NAXE: variants seen among roughly 807,000 people sequenced by gnomAD.
NAXE encodes NAD(P)HX epimerase.
In NAXE, 25 loss-of-function variants were observed where a neutral mutation model predicts 31.2. The ratio of observed to expected loss-of-function variants is 0.80; its 90% CI spans 0.58 to 1.12. The LOEUF is 1.12. Among genes scored for constraint, NAXE ranks in the 50% most tolerant of loss-of-function variants. The pLI is 0.00. For missense variants in NAXE, 362 were observed against 376.1 expected (o/e 0.96, Z 0.31); for synonymous variants, 144 against 154.5 (o/e 0.93, Z 0.50).
Position 156,592,406 on chromosome 1 carries a change from C to A in NAXE, c.333C>A (p.Val111=). 1 of 1,614,190 alleles carries A rather than the reference C, an allele frequency of 6.2e-7. No homozygotes were observed. Among genetic ancestry groups the A allele is most frequent in the African/African-American group, 1.3e-5 (1 of 75,042 alleles). Residue 111 remains valine (V), a synonymous_variant, in exon 3 of 6, where the codon GTC becomes GTA. Transcript: ENST00000368235. ...PTSMSRSPPT[V]LVICGPGNNG... is the part of the protein sequence containing the mutation. Reference sequence around the variant, plus strand: ...CCATGTCCAGGAGCCCCCCTACTGTCCTGGTCATCTGTGGCCCGGGGAATA... The same window carrying A: ...CCATGTCCAGGAGCCCCCCTACTGTACTGGTCATCTGTGGCCCGGGGAATA...
intron 5 of NAXE, 77 bp downstream of exon 5, chr1:156,593,632 T>C: frequency 6.3e-7 from 1 of 1,586,190 alleles, no homozygotes; most frequent in Non-Finnish European, 8.6e-7. Context: ...AGGTCTAAAA[T>C]AATTTTAGTC....
At position 156,592,297 on chromosome 1, in the gene NAXE, G is replaced by A. The variant is rs1677348734; in HGVS notation, c.292-68G>A. The A allele has an allele frequency of 4.4e-6, 7 of 1,603,678 alleles. No individual in the cohort carries two copies. In the Admixed American group the frequency reaches 1.0e-4, roughly 23 times the overall value. On this transcript the variant is annotated intron_variant, in intron 2 of 5. Transcript: ENST00000368235. ...GGCCTAGGCACAAAGGGGTGGGAGAGACAGCTGGGCCAATATGGTCTATTA... is the reference window on the plus strand; with the variant it reads ...GGCCTAGGCACAAAGGGGTGGGAGAAACAGCTGGGCCAATATGGTCTATTA...
chr1:156,592,580 C>T lies in NAXE; in HGVS notation c.426C>T (p.Tyr142=), dbSNP rs774364512. 6.2e-7 allele frequency: 1 copy of T among 1,614,122 alleles called. No homozygotes were observed. ...AGGGCTACGAGCCAACCATCTATTA[C>T]CCCAAAAGGCCTAACAAGCCCCTCT... ...KLFGYEPTIY[Y]PKRPNKPLFT... is the part of the protein sequence containing the mutation. Residue 142 remains tyrosine (Y), a synonymous_variant, in exon 4 of 6, where the codon TAC becomes TAT. Coordinates refer to ENST00000368235, the MANE Select transcript of NAXE (RefSeq NM_144772.3).
chr1:156,592,140 C>T lies in NAXE; in HGVS notation c.222C>T (p.Asn74=). 1.2e-6 allele frequency: 2 copies of T among 1,614,238 alleles called. No homozygotes were observed. The highest frequency in any genetic ancestry group is 2.2e-5 in the South Asian group (2 of 91,082). The change falls in exon 2 of 6, where the codon AAC becomes AAT. Residue 74 remains asparagine, a synonymous_variant. Coordinates refer to ENST00000368235, the MANE Select transcript of NAXE (RefSeq NM_144772.3). ...AGGCCGTGGACCAGGAGCTATTTAA[C>T]GAATACCAGTTCAGCGTGGACCAAC... ...EAQAVDQELF[N]EYQFSVDQLM...
chr1:156,594,163 C>T lies in NAXE; in HGVS notation c.*79C>T. 6.7e-7 allele frequency: 1 copy of T among 1,486,388 alleles called. No individual in the cohort carries two copies. 92.1% of individuals were successfully genotyped at this position (1,486,388 alleles called of 1,614,324 possible). ...GAACTGTGGATTCCTGGGAGCTCCT[C>T]TGGCAATAAAAGTCAGTGAATGGTG... On this transcript the variant is annotated 3_prime_UTR_variant, in exon 6 of 6. Coordinates refer to ENST00000368235, the MANE Select transcript of NAXE (RefSeq NM_144772.3).
At chr1:156,592,307 C>T in intron 2 of NAXE, 58 bp from the exon 3 acceptor site, 2 of 1,602,136 alleles carry the variant, frequency 1.2e-6, no homozygotes. Context: ...GACAGCTGGG[C>T]CAATATGGTC....
Position 156,594,186 on chromosome 1 carries a change from G to C in NAXE, c.*102G>C. 3.8e-6 allele frequency: 5 copies of C among 1,305,280 alleles called. No individual in the cohort carries two copies. The highest frequency in any genetic ancestry group is 2.7e-4 in the Middle Eastern group (1 of 3,734). 80.9% of individuals were successfully genotyped at this position (1,305,280 alleles called of 1,614,324 possible). A position where few individuals can be genotyped will look rare whatever the true frequency, so the allele number is the denominator to read the frequency against. The stretch of plus-strand genomic sequence containing the variant: ...CTCTGGCAATAAAAGTCAGTGAATG[G>C]TGGAAGTCAGAGACCAACCCTGGGG... On this transcript the variant is annotated 3_prime_UTR_variant, in exon 6 of 6. Coordinates refer to ENST00000368235, the MANE Select transcript of NAXE (RefSeq NM_144772.3).
At position 156,592,155 on chromosome 1, in the gene NAXE, C is replaced by G. The variant is rs745718266; in HGVS notation, c.237C>G (p.Ser79Arg). ...DQELFNEYQF[S>R]VDQLMELAGL... Reference sequence around the variant, plus strand: ...AGCTATTTAACGAATACCAGTTCAGCGTGGACCAACTTATGGAACTGGCCG... The same window carrying G: ...AGCTATTTAACGAATACCAGTTCAGGGTGGACCAACTTATGGAACTGGCCG... The change falls in exon 2 of 6, where the codon AGC (serine) becomes AGG (arginine). Residue 79 changes from serine to arginine, a missense_variant. Coordinates refer to ENST00000368235, the MANE Select transcript of NAXE (RefSeq NM_144772.3). The G allele has an allele frequency of 2.5e-6, 4 of 1,614,212 alleles. No individual in the cohort carries two copies. The highest frequency in any genetic ancestry group is 1.7e-5 in the Admixed American group (1 of 60,030).
Position 156,592,610 on chromosome 1 carries a change from T to G in NAXE, c.456T>G (p.Thr152=). Residue 152 remains threonine (T), a synonymous_variant, in exon 4 of 6, where the codon ACT becomes ACG. Coordinates refer to ENST00000368235, the MANE Select transcript of NAXE (RefSeq NM_144772.3). ...AAAGGCCTAACAAGCCCCTCTTCAC[T>G]GCATTGGTGACCCAGTGTCAGAAAA... ...YPKRPNKPLF[T]ALVTQCQKMD... The G allele has an allele frequency of 2.5e-6, 4 of 1,614,164 alleles. No individual in the cohort carries two copies. Among genetic ancestry groups the G allele is most frequent in the Non-Finnish European group, 2.5e-6 (3 of 1,180,024 alleles).
chr1:156,592,282 C>T, intron 2 of NAXE, 73 bp downstream of exon 2: 2 of 1,604,454 alleles, frequency 1.2e-6, no homozygotes, highest in Non-Finnish European at 1.7e-6. Flanking sequence ...GGCCTAGGCA[C>T]AAAGGGGTGG....
chr1:156,592,684 G>A lies in NAXE; in HGVS notation c.516+14G>A, dbSNP rs759171285. 1.9e-5 allele frequency: 31 copies of A among 1,592,786 alleles called. No homozygotes were observed. Among genetic ancestry groups the A allele is most frequent in the Non-Finnish European group, 2.3e-5 (27 of 1,161,432 alleles). ...ATGCCCGCAGAGGTAGGTGGCTCCA[G>A]TTGAATACCTCCATCCTACAGTAAC... On this transcript the variant is annotated intron_variant, in intron 4 of 5. Coordinates refer to ENST00000368235, the MANE Select transcript of NAXE (RefSeq NM_144772.3).
rs1021908775 is a variant in NAXE, at chr1:156,593,877, T to C, written c.665-5T>C. On this transcript the variant is annotated splice_polypyrimidine_tract_variant and splice_region_variant and intron_variant, in intron 5 of 5. Coordinates refer to ENST00000368235, the MANE Select transcript of NAXE (RefSeq NM_144772.3). Reference sequence around the variant, plus strand: ...GCCTCTTCCTGAACACCACCCTCTTTTCAGGATGGGACGTGGAGAAGGGAA... The same window carrying C: ...GCCTCTTCCTGAACACCACCCTCTTCTCAGGATGGGACGTGGAGAAGGGAA... The C allele has an allele frequency of 1.9e-6, 3 of 1,613,672 alleles. No homozygotes were observed. In the African/African-American group the frequency reaches 4.0e-5, roughly 22 times the overall value.
At chr1:156,592,928 G>A (rs1677377296) in intron 4 of NAXE, 1 of 513,276 alleles carries the variant, frequency 1.9e-6, no homozygotes, top group Admixed American at 3.5e-5. Flanking sequence ...AGATCCTCTT[G>A]CCCTAGCATG....
At chr1:156,592,752 C>A in intron 4 of NAXE, 82 bp downstream of exon 4, 1 of 1,321,594 alleles carries the variant, frequency 7.6e-7, no homozygotes. Context: ...CCAGGCTGAG[C>A]TCATTTTAGT....
At chr1:156,593,736 C>T (rs1571394617) in intron 5 of NAXE, 146 bp from the exon 6 acceptor site, 22 of 1,308,384 alleles carry the variant, frequency 1.7e-5, no homozygotes, top group East Asian at 9.3e-5. Flanking sequence ...GAAGAGACCA[C>T]GGCCCAAGGG....
At chr1:156,592,008 C>A (rs762319931) in intron 1 of NAXE, 22 bp downstream of exon 1, 1 of 1,613,456 alleles carries the variant, frequency 6.2e-7, no homozygotes, top group Admixed American at 1.7e-5. Flanking sequence ...TCTCGGGTGG[C>A]CTGCTCTGCC....
At position 156,594,263 on chromosome 1, in the gene NAXE, T is replaced by C. The variant is rs1677431106; in HGVS notation, c.*179T>C. 1 of 628,838 alleles carries C rather than the reference T, an allele frequency of 1.6e-6. No homozygotes were observed. The highest frequency in any genetic ancestry group is 3.0e-5 in the Admixed American group (1 of 33,830). The allele number at this position is 628,838 out of a possible 1,614,324, so 39.0% of individuals were successfully genotyped here. On this transcript the variant is annotated 3_prime_UTR_variant, in exon 6 of 6. Coordinates refer to ENST00000368235, the MANE Select transcript of NAXE (RefSeq NM_144772.3). ...CACAAAGGGCAAGAGGTTGCTATGG[T>C]ATTTGGAAACAATGAAAATGGACTG...
chr1:156,594,179 G>GTGAA lies in NAXE; in HGVS notation c.*98_*101dup. ...GGAGCTCCTCTGGCAATAAAAGTCA[G>GTGAA]TGAATGGTGGAAGTCAGAGACCAAC... On this transcript the variant is annotated 3_prime_UTR_variant, in exon 6 of 6. Coordinates refer to ENST00000368235, the MANE Select transcript of NAXE (RefSeq NM_144772.3). 1.5e-6 allele frequency: 2 copies of GTGAA among 1,359,494 alleles called. No individual in the cohort carries two copies. Among genetic ancestry groups the GTGAA allele is most frequent in the East Asian group, 4.7e-5 (2 of 42,448 alleles). 84.2% of individuals were successfully genotyped at this position (1,359,494 alleles called of 1,614,324 possible).
At chr1:156,592,239 G>A (rs760188138) in intron 2 of NAXE, 30 bp downstream of exon 2, 85 of 1,612,110 alleles carry the variant, frequency 5.3e-5, no homozygotes, top group Admixed American at 6.7e-5. Flanking sequence ...ACCTTTGGGA[G>A]CAGCCAGGGA....
Sources: allele counts gnomAD v4.1 joint callset, GRCh38; gene constraint gnomAD v4.1.1; transcripts MANE v1.5; gene names NCBI Gene and HGNC (gene_info 2026-07-23, HGNC 2026-07-21).